FCRL3: variants seen among roughly 807,000 people sequenced by gnomAD.
FCRL3 encodes the protein Fc receptor-like protein 3.
FCRL3 carries 89 observed loss-of-function variants against 75.0 expected under a neutral mutation model. The ratio of observed to expected loss-of-function variants is 1.19; its 90% CI spans 1.00 to 1.42. The LOEUF (loss-of-function observed/expected upper bound fraction) is 1.42. FCRL3 is among the 40% of genes most tolerant of loss of function. The probability of loss-of-function intolerance (pLI) is 0.00; values close to 1 mark genes in which losing one functional copy is unlikely to be tolerated. For synonymous variants in FCRL3, 376 were observed against 348.5 expected (o/e 1.08, Z -0.88); for missense variants, 946 against 880.0 (o/e 1.07, Z -0.95).
chr1:157,698,336 C>T, intron 4 of FCRL3, 48 bp downstream of exon 4: 3 of 1,607,904 alleles, frequency 1.9e-6, no homozygotes, highest in South Asian at 2.2e-5. Context: ...GGCCCTCAGG[C>T]ATTCTGCCTG....
Position 157,697,381 on chromosome 1 carries a change from G to A in FCRL3, c.603C>T (p.Pro201=), listed in dbSNP as rs1655997492. 2 of 1,569,532 alleles carry A rather than the reference G, an allele frequency of 1.3e-6. No individual in the cohort carries two copies. The highest frequency in any genetic ancestry group is 1.7e-6 in the Non-Finnish European group (2 of 1,162,374). Residue 201 remains proline, a synonymous_variant, in exon 6 of 15, where the codon CCC becomes CCT. Coordinates refer to ENST00000368184, the MANE Select transcript of FCRL3 (RefSeq NM_052939.4). ...TCAGGGTCATGGGACTCCCCTCTATGGGCGTGGAAGAGCTGGCTCTCAGCA... is the reference window on the plus strand; with the variant it reads ...TCAGGGTCATGGGACTCCCCTCTATAGGCGTGGAAGAGCTGGCTCTCAGCA... ...HPVLRASSST[P]IEGSPMTLTC...
Position 157,697,211 on chromosome 1 carries a change from T to G in FCRL3, c.773A>C (p.Tyr258Ser). ...AGTCACTGTCTCCACCTCACACCAG[T>G]AAGACCCTGAGTCTTCAGTCCACAT... ...PAMWTEDSGS[Y>S]WCEVETVTHS... is the part of the protein sequence containing the mutation. Residue 258 changes from tyrosine to serine, a missense_variant, in exon 6 of 15, where the codon TAC (tyrosine) becomes TCC (serine). Transcript: ENST00000368184. The G allele has an allele frequency of 6.3e-7, 1 of 1,585,776 alleles. No individual in the cohort carries two copies. Among genetic ancestry groups the G allele is most frequent in the Non-Finnish European group, 8.6e-7 (1 of 1,165,356 alleles).
intron 10 of FCRL3, among the ~76,000 whole-genome samples, chr1:157,685,752 C>T (rs1338225706): frequency 1.3e-5 from 2 of 152,066 alleles, no homozygotes; most frequent in Admixed American, 6.6e-5. Context: ...CAAGTACACT[C>T]TTAGACTACA....
Position 157,697,812 on chromosome 1 carries a change from C to G in FCRL3, c.406G>C (p.Asp136His). ...TAACTATTAGGAAGCTGTTTTCCAT[C>G]CTTGTAGTAAACCTTTTGATGAGTG... ...KNTHQKVYYK[D>H]GKQLPNSYNL... Residue 136 changes from aspartate to histidine, a missense_variant, in exon 5 of 15, where the codon GAT (aspartate) becomes CAT (histidine). By Grantham distance (81) the Asp-to-His change is moderately conservative (BLOSUM62 -1). Transcript: ENST00000368184. 1 of 1,614,150 alleles carries G rather than the reference C, an allele frequency of 6.2e-7. No individual in the cohort carries two copies. Among genetic ancestry groups the G allele is most frequent in the Non-Finnish European group, 8.5e-7 (1 of 1,180,032 alleles).
At position 157,693,710 on chromosome 1, in the gene FCRL3, C is replaced by CCCTT. The variant is rs888714951; in HGVS notation, c.1411+1615_1411+1618dup. Among the ~76,000 whole-genome samples the CCCTT allele has an allele frequency of 1.5e-4, 23 of 149,820 alleles. No individual in the cohort carries two copies. In the East Asian group the frequency reaches 2.9e-3, roughly 19 times the overall value. ...CTCCTTCCTTCCTTCCTTCCTTCCTCCCTTCCTTCCTTCCTTTCTCTCTCT... is the reference window on the plus strand; with the variant it reads ...CTCCTTCCTTCCTTCCTTCCTTCCTCCCTTCCTTCCTTCCTTCCTTTCTCTCTCT... On this transcript the variant is annotated intron_variant, in intron 8 of 14. Transcript: ENST00000368184.
rs765220754 is a variant in FCRL3, at chr1:157,695,451, G to C, written c.1289C>G (p.Pro430Arg). The C allele has an allele frequency of 1.9e-6, 3 of 1,614,200 alleles. No individual in the cohort carries two copies. In the African/African-American group the frequency reaches 4.0e-5, roughly 22 times the overall value. ...EDVTLGNSSA[P>R]SGGGASFNLS... ...GTTGAAGGAGGCTCCTCCTCCAGAG[G>C]GGGCTGAGCTGTTCCCCAGGGTGAC... Residue 430 changes from proline to arginine, a missense_variant, in exon 8 of 15, where the codon CCC (proline) becomes CGC (arginine). Transcript: ENST00000368184.
chr1:157,681,132 G>A, intron 11 of FCRL3, 33 bp from the exon 12 acceptor site: 1 of 1,385,528 alleles, frequency 7.2e-7, no homozygotes, highest in Non-Finnish European at 9.7e-7. Context: ...GGATTAAAAA[G>A]TATCTGTGGG....
intron 8 of FCRL3, 107 bp downstream of exon 8, chr1:157,695,221 TG>T: frequency 1.8e-6 from 2 of 1,120,842 alleles, no homozygotes; most frequent in African/African-American, 1.6e-5. Context: ...TCAGAAAGAG[TG>T]GGAAGTCTAT....
chr1:157,685,443 C>T (rs1419912558), intron 10 of FCRL3, among the ~76,000 whole-genome samples: 1 of 152,088 alleles, frequency 6.6e-6, no homozygotes, highest in Non-Finnish European at 1.5e-5. Context: ...ACAAGTTCCT[C>T]TTGATCTACA....
chr1:157,689,759 C>T (rs570425328), intron 10 of FCRL3, 39 bp downstream of exon 10: 31 of 1,611,786 alleles, frequency 1.9e-5, no homozygotes, highest in Admixed American at 1.7e-4. Context: ...ATTATAGCAA[C>T]GGCAAAATCA....
chr1:157,677,577 T>A lies in FCRL3; in HGVS notation c.*1133A>T. On this transcript the variant is annotated 3_prime_UTR_variant, in exon 15 of 15. Transcript: ENST00000368184. ...TTGTCATATTAAAAATTCAACACAC[T>A]GTGGAAAGAGTTTTTGATGGTGATA... The A allele has an allele frequency of 6.1e-6, 6 of 985,346 alleles. No homozygotes were observed. In the South Asian group the frequency reaches 2.3e-4, roughly 39 times the overall value. The allele number at this position is 985,346 out of a possible 1,614,324, so 61.0% of individuals were successfully genotyped here. A position where few individuals can be genotyped will look rare whatever the true frequency, so the allele number is the denominator to read the frequency against.
intron 6 of FCRL3, 78 bp from the exon 7 acceptor site, chr1:157,696,405 G>A: frequency 2.6e-6 from 4 of 1,512,126 alleles, no homozygotes; most frequent in Non-Finnish European, 3.6e-6. Flanking sequence ...GAGCTACCAT[G>A]AATAGGCCAA....
At chr1:157,681,167 A>G (rs781357292) in intron 11 of FCRL3, 68 bp from the exon 12 acceptor site, 39 of 1,095,460 alleles carry the variant, frequency 3.6e-5, no homozygotes, top group African/African-American at 2.7e-4. Flanking sequence ...AGGGAAATCA[A>G]TATTCTGGAA....
At position 157,690,528 on chromosome 1, in the gene FCRL3, C is replaced by T. The variant is rs143813895; in HGVS notation, c.1417G>A (p.Val473Met). The T allele has an allele frequency of 8.2e-5, 132 of 1,613,446 alleles. No individual in the cohort carries two copies. The highest frequency in any genetic ancestry group is 1.1e-4 in the Non-Finnish European group (124 of 1,179,744). Residue 473 changes from valine to methionine, a missense_variant, in exon 9 of 15, where the codon GTG (valine) becomes ATG (methionine). By Grantham distance (21) the Val-to-Met change is conservative (BLOSUM62 1). Transcript: ENST00000368184. ...HGVSLRVTVP[V>M]SRPVLTLRAP... Reference sequence around the variant, plus strand: ...CTGAGGGTGAGGACGGGGCGAGACACCGGAACTGAGGGAGGAAAAATAGTT... The same window carrying T: ...CTGAGGGTGAGGACGGGGCGAGACATCGGAACTGAGGGAGGAAAAATAGTT...
intron 11 of FCRL3, 134 bp from the exon 12 acceptor site, chr1:157,681,233 C>CTT: frequency 2.2e-6 from 1 of 459,126 alleles, no homozygotes; most frequent in Non-Finnish European, 3.7e-6. Context: ...CTGCTTGGGT[C>CTT]TTTTTTTTTA....
In FCRL3 at chr1:157,678,849, G is replaced by GT; in HGVS notation, c.2065dup (p.Thr689AsnfsTer20). On this transcript the variant is annotated frameshift_variant, in exon 15 of 15. Coordinates refer to ENST00000368184, the MANE Select transcript of FCRL3 (RefSeq NM_052939.4). LOFTEE classifies it low-confidence loss of function (END_TRUNC). ...CTTCTTCAGTTCTGAATAGAGGACT[G>GT]TAAGTTCCTGGTAGAAAAAAACACA... The GT allele has an allele frequency of 6.2e-7, 1 of 1,613,994 alleles. No individual in the cohort carries two copies. The highest frequency in any genetic ancestry group is 8.5e-7 in the Non-Finnish European group (1 of 1,179,976).
chr1:157,684,554 TAA>T (rs1371605207), intron 10 of FCRL3, among the ~76,000 whole-genome samples: 1 of 152,112 alleles, frequency 6.6e-6, no homozygotes, highest in Non-Finnish European at 1.5e-5. Flanking sequence ...TCCTTATCTG[TAA>T]AAGAGAAAAC....
intron 8 of FCRL3, among the ~76,000 whole-genome samples, chr1:157,694,648 T>C (rs1655771094): frequency 6.6e-6 from 1 of 152,132 alleles, no homozygotes; most frequent in Non-Finnish European, 1.5e-5. Flanking sequence ...ATTGGGCACA[T>C]TGCTAATTGT....
At position 157,676,638 on chromosome 1, in the gene FCRL3, C is replaced by A; in HGVS notation, c.*2072G>T. 2 of 1,359,964 alleles carry A rather than the reference C, an allele frequency of 1.5e-6. No homozygotes were observed. The highest frequency in any genetic ancestry group is 2.0e-6 in the Non-Finnish European group (2 of 979,006). 84.2% of individuals were successfully genotyped at this position (1,359,964 alleles called of 1,614,324 possible). A position where few individuals can be genotyped will look rare whatever the true frequency, so the allele number is the denominator to read the frequency against. ...TTACAGGGCAATCAATCAGAATTTG[C>A]ACATTTGTTATATCCGAGATGTACA... On this transcript the variant is annotated 3_prime_UTR_variant, in exon 15 of 15. Coordinates refer to ENST00000368184, the MANE Select transcript of FCRL3 (RefSeq NM_052939.4).
Sources: gnomAD v4.1 joint callset for allele counts (sites outside exome capture counted in the v4.1 genomes callset) on GRCh38, gnomAD v4.1.1 for gene constraint, MANE v1.5 for transcripts, NCBI Gene and HGNC (gene_info 2026-07-23, HGNC 2026-07-21) for gene names.